The following NBEA variants were observed in gnomAD, a reference collection of about 807,000 sequenced individuals.
The protein encoded by NBEA is neurobeachin.
Under a neutral mutation model 343.4 loss-of-function variants are expected in NBEA, and 44 were observed. The ratio of observed to expected loss-of-function variants is 0.13; its 90% CI spans 0.10 to 0.16. The LOEUF (loss-of-function observed/expected upper bound fraction) is 0.16, where lower values mean the gene tolerates loss of function less well. Among genes scored for constraint, NBEA ranks in the 10% least tolerant of loss-of-function variants. The pLI is 1.00. For synonymous variants in NBEA, 1,175 were observed against 1,238.7 expected (o/e 0.95, Z 1.08); for missense variants, 2,555 against 3,631.3 (o/e 0.70, Z 7.62).
chr13:35,458,697 G>A (rs184918548), intron 40 of NBEA, among the ~76,000 whole-genome samples: 1 of 152,162 alleles, frequency 6.6e-6, no homozygotes, highest in Non-Finnish European at 1.5e-5. Flanking sequence ...GAATTTTCCA[G>A]GATAGGAACA....
intron 38 of NBEA, among the ~76,000 whole-genome samples, chr13:35,418,128 G>T (rs959655469): frequency 2.6e-5 from 4 of 152,034 alleles, no homozygotes; most frequent in African/African-American, 9.7e-5. Flanking sequence ...TTGAGCCTAT[G>T]TGTGTGTCTG....
chr13:35,043,070 G>A (rs562511887), intron 2 of NBEA, among the ~76,000 whole-genome samples: 3 of 151,770 alleles, frequency 2.0e-5, no homozygotes, highest in African/African-American at 4.8e-5. Context: ...AAAGAAGACC[G>A]TCTATAATAA....
At chr13:34,947,195 A>G (rs1200037316) in intron 1 of NBEA, among the ~76,000 whole-genome samples, 1 of 152,092 alleles carries the variant, frequency 6.6e-6, no homozygotes. Flanking sequence ...AGGTTTCAAT[A>G]TCTTAAGGAG....
At chr13:35,233,892 G>T (rs183655558) in intron 34 of NBEA, among the ~76,000 whole-genome samples, 13 of 152,242 alleles carry the variant, frequency 8.5e-5, no homozygotes, top group Admixed American at 8.5e-4. Context: ...AGTTTAAAGA[G>T]AGTGGTCAAT....
chr13:35,143,604 C>T (rs570469828), intron 18 of NBEA, among the ~76,000 whole-genome samples: 4 of 152,206 alleles, frequency 2.6e-5, no homozygotes, highest in African/African-American at 9.6e-5. Flanking sequence ...CTCAGAAGAG[C>T]AGTGGTCAGA....
At chr13:35,046,808 A>G (rs1286759545) in intron 4 of NBEA, among the ~76,000 whole-genome samples, 1 of 152,152 alleles carries the variant, frequency 6.6e-6, no homozygotes, top group African/African-American at 2.4e-5. Context: ...AACTGAAACT[A>G]TGAAACCACA....
rs377633778 is a variant in NBEA, at chr13:35,555,031, A to G, written c.6851A>G (p.Asn2284Ser). 1.9e-6 allele frequency: 3 copies of G among 1,612,566 alleles called. No homozygotes were observed. Among genetic ancestry groups the G allele is most frequent in the Non-Finnish European group, 2.5e-6 (3 of 1,179,022 alleles). Reference sequence around the variant, plus strand: ...CCTCGACAGCTTTATAAATCTTCCAATATGACTCAGCGCTGGCAAAGAAGG... The same window carrying G: ...CCTCGACAGCTTTATAAATCTTCCAGTATGACTCAGCGCTGGCAAAGAAGG... ...ATPRQLYKSS[N>S]MTQRWQRREI... is the part of the protein sequence containing the mutation. Residue 2284 changes from asparagine (N) to serine (S), a missense_variant, in exon 44 of 59, where the codon AAT (asparagine) becomes AGT (serine). Transcript: ENST00000379939.
chr13:35,331,373 C>A (rs1480348662), intron 36 of NBEA, among the ~76,000 whole-genome samples: 1 of 151,974 alleles, frequency 6.6e-6, no homozygotes, highest in Non-Finnish European at 1.5e-5. Flanking sequence ...AAATAGTATA[C>A]TCCCATTCTC....
At chr13:35,575,511 A>G (rs2080693682) in intron 45 of NBEA, among the ~76,000 whole-genome samples, 1 of 152,194 alleles carries the variant, frequency 6.6e-6, no homozygotes, top group Non-Finnish European at 1.5e-5. Context: ...AAGAAAAAGT[A>G]CCAATTCCTA....
intron 48 of NBEA, among the ~76,000 whole-genome samples, chr13:35,606,808 T>C (rs767598516): frequency 1.3e-5 from 2 of 152,204 alleles, no homozygotes; most frequent in African/African-American, 2.4e-5. Flanking sequence ...GGTAATTCAG[T>C]TATGTTTGCT....
At chr13:35,635,574 T>G (rs1316526462) in intron 49 of NBEA, among the ~76,000 whole-genome samples, 1 of 152,200 alleles carries the variant, frequency 6.6e-6, no homozygotes, top group African/African-American at 2.4e-5. Context: ...TATTTGGTGT[T>G]CTTTAAAGCT....
chr13:35,091,271 A>G (rs1291471294), intron 10 of NBEA, among the ~76,000 whole-genome samples: 2 of 151,994 alleles, frequency 1.3e-5, no homozygotes, highest in African/African-American at 4.8e-5. Flanking sequence ...GAGCAGAGAA[A>G]CTAAAGCCCC....
intron 36 of NBEA, among the ~76,000 whole-genome samples, chr13:35,338,094 C>G (rs1204872813): frequency 6.6e-6 from 1 of 151,360 alleles, no homozygotes; most frequent in Non-Finnish European, 1.5e-5. Context: ...CCAAAACAGG[C>G]TGAAGAAGGA....
intron 10 of NBEA, among the ~76,000 whole-genome samples, chr13:35,092,220 G>GA (rs1275658609): frequency 1.3e-5 from 2 of 151,894 alleles, no homozygotes; most frequent in Non-Finnish European, 2.9e-5. Context: ...CAATTTATAT[G>GA]AAACTTAACA....
chr13:35,661,439 T>A (rs929307457), intron 55 of NBEA, among the ~76,000 whole-genome samples: 1 of 152,230 alleles, frequency 6.6e-6, no homozygotes, highest in African/African-American at 2.4e-5. Flanking sequence ...TTTCACCGTA[T>A]CTGTCTTCCA....
At chr13:35,370,398 A>T (rs527618096) in intron 38 of NBEA, among the ~76,000 whole-genome samples, 1 of 151,844 alleles carries the variant, frequency 6.6e-6, no homozygotes, top group South Asian at 2.1e-4. Context: ...ATTGTTTCCC[A>T]TTCCTTTATT....
chr13:35,508,671 T>A (rs913558142), intron 41 of NBEA, among the ~76,000 whole-genome samples: 1 of 152,134 alleles, frequency 6.6e-6, no homozygotes, highest in East Asian at 1.9e-4. Flanking sequence ...AGGAAGGTAG[T>A]GCTGGAATGG....
At chr13:35,273,093 A>G (rs1440336093) in intron 34 of NBEA, among the ~76,000 whole-genome samples, 1 of 152,206 alleles carries the variant, frequency 6.6e-6, no homozygotes. Flanking sequence ...AATTGACCAC[A>G]TAATTGGAAG....
chr13:35,302,235 G>A (rs1206611875), intron 35 of NBEA, among the ~76,000 whole-genome samples: 3 of 152,036 alleles, frequency 2.0e-5, no homozygotes, highest in Non-Finnish European at 4.4e-5. Flanking sequence ...GCTCCAGGGG[G>A]CTGGACATGT....
Sources: allele counts gnomAD v4.1 joint callset (sites outside exome capture counted in the v4.1 genomes callset), GRCh38; gene constraint gnomAD v4.1.1; transcripts MANE v1.5; gene names NCBI Gene and HGNC (gene_info 2026-07-23, HGNC 2026-07-21).